FREM2: variants seen among roughly 807,000 people sequenced by gnomAD.
FREM2 encodes FRAS1 related extracellular matrix 2.
A neutral mutation model predicts 219.9 loss-of-function variants in FREM2; 119 were observed. The observed-to-expected ratio is 0.54, with a 90% CI of 0.47 to 0.63. The LOEUF (loss-of-function observed/expected upper bound fraction) is 0.63, where lower values mean the gene tolerates loss of function less well. FREM2 is among the 30% of genes least tolerant of loss of function. The pLI is 0.00. For missense variants in FREM2, 4,030 were observed against 3,993.6 expected (o/e 1.01, Z -0.25); for synonymous variants, 1,562 against 1,522.8 (o/e 1.03, Z -0.60).
intron 2 of FREM2, among the ~76,000 whole-genome samples, chr13:38,763,171 A>G (rs1283818360): frequency 6.6e-6 from 1 of 152,184 alleles, no homozygotes; most frequent in Non-Finnish European, 1.5e-5. Flanking sequence ...ACAACAGTAA[A>G]CAAGAAAACA....
intron 6 of FREM2, among the ~76,000 whole-genome samples, chr13:38,843,885 G>A (rs1452959515): frequency 6.7e-6 from 1 of 148,388 alleles, no homozygotes; most frequent in Non-Finnish European, 1.5e-5. Context: ...TAGGTAGTTA[G>A]CAGAGTTTTT....
intron 6 of FREM2, among the ~76,000 whole-genome samples, chr13:38,791,847 C>T (rs1190958058): frequency 2.6e-5 from 4 of 152,330 alleles, no homozygotes; most frequent in African/African-American, 9.6e-5. Context: ...CCTTGACTTT[C>T]AATGCCAGAA....
At chr13:38,759,484 AG>A (rs1873147264) in intron 2 of FREM2, among the ~76,000 whole-genome samples, 1 of 151,788 alleles carries the variant, frequency 6.6e-6, no homozygotes, top group South Asian at 2.1e-4. Flanking sequence ...TTTGAATTGA[AG>A]AAAATGAAGA....
Position 38,881,186 on chromosome 13 carries a change from T to C in FREM2, c.*399T>C, listed in dbSNP as rs1396301785. 1 of 287,058 alleles carries C rather than the reference T, an allele frequency of 3.5e-6. No individual in the cohort carries two copies. The highest frequency in any genetic ancestry group is 9.0e-5 in the East Asian group (1 of 11,154). 17.8% of individuals were successfully genotyped at this position (287,058 alleles called of 1,614,324 possible). ...GTTGAAGGTGCAATTATCACATTGTTTATTAATTGTATAACAGATTATTAC... is the reference window on the plus strand; with the variant it reads ...GTTGAAGGTGCAATTATCACATTGTCTATTAATTGTATAACAGATTATTAC... On this transcript the variant is annotated 3_prime_UTR_variant, in exon 24 of 24. Coordinates refer to ENST00000280481, the MANE Select transcript of FREM2 (RefSeq NM_207361.6).
In FREM2 at chr13:38,883,012, T is replaced by A. The variant is rs1878600442; in HGVS notation, c.*2225T>A. On this transcript the variant is annotated 3_prime_UTR_variant, in exon 24 of 24. Transcript: ENST00000280481. ...AAATTTCACTCTACAATGCATATTCTAATGAAGCTACTTTATATAAATTGG... is the reference window on the plus strand; with the variant it reads ...AAATTTCACTCTACAATGCATATTCAAATGAAGCTACTTTATATAAATTGG... 1 of 152,216 alleles carries A rather than the reference T, an allele frequency of 6.6e-6. No individual in the cohort carries two copies. Among genetic ancestry groups the A allele is most frequent in the African/African-American group, 2.4e-5 (1 of 41,478 alleles). 9.4% of individuals were successfully genotyped at this position (152,216 alleles called of 1,614,324 possible).
intron 6 of FREM2, among the ~76,000 whole-genome samples, chr13:38,841,495 A>C (rs1315877325): frequency 6.6e-6 from 1 of 152,044 alleles, no homozygotes; most frequent in East Asian, 1.9e-4. Flanking sequence ...GTATTTTTAA[A>C]TTGTCTAGGA....
intron 2 of FREM2, among the ~76,000 whole-genome samples, chr13:38,723,921 A>C (rs1028881120): frequency 5.9e-5 from 9 of 152,188 alleles, no homozygotes; most frequent in Non-Finnish European, 1.0e-4. Flanking sequence ...TAACTTGCTC[A>C]AGGTCATACA....
intron 7 of FREM2, among the ~76,000 whole-genome samples, chr13:38,848,025 C>T (rs1877227978): frequency 6.6e-6 from 1 of 152,142 alleles, no homozygotes; most frequent in Admixed American, 6.6e-5. Context: ...GTAGGATGTT[C>T]TACAGCAGCT....
intron 6 of FREM2, among the ~76,000 whole-genome samples, chr13:38,787,392 A>G (rs1165640958): frequency 6.6e-6 from 1 of 152,086 alleles, no homozygotes; most frequent in African/African-American, 2.4e-5. Context: ...TCAGATGCAG[A>G]TTATAATAAA....
At chr13:38,851,167 C>A (rs1468533033) in intron 10 of FREM2, 59 bp downstream of exon 10, 1 of 1,579,014 alleles carries the variant, frequency 6.3e-7, no homozygotes. Context: ...CCAGCCAAGT[C>A]AAGGTTTTAA....
chr13:38,786,480 A>G (rs1446120618), intron 6 of FREM2, among the ~76,000 whole-genome samples: 1 of 152,200 alleles, frequency 6.6e-6, no homozygotes, highest in Non-Finnish European at 1.5e-5. Context: ...ATTTAAATAA[A>G]GTACAGAAAT....
At chr13:38,717,075 T>A (rs2138102591) in intron 2 of FREM2, among the ~76,000 whole-genome samples, 1 of 152,298 alleles carries the variant, frequency 6.6e-6, no homozygotes, top group East Asian at 1.9e-4. Flanking sequence ...TGACATTGAG[T>A]GAGCTGTCAT....
chr13:38,870,572 T>A (rs1244010499), intron 16 of FREM2, among the ~76,000 whole-genome samples: 1 of 152,214 alleles, frequency 6.6e-6, no homozygotes, highest in Non-Finnish European at 1.5e-5. Context: ...CACTCTTCAC[T>A]TTTGAAGAAG....
At chr13:38,812,986 T>C (rs1484156948) in intron 6 of FREM2, among the ~76,000 whole-genome samples, 1 of 152,142 alleles carries the variant, frequency 6.6e-6, no homozygotes, top group African/African-American at 2.4e-5. Context: ...TTTTAGCTTT[T>C]TGCTGTTTCT....
At position 38,688,001 on chromosome 13, in the gene FREM2, C is replaced by T. The variant is rs767344725; in HGVS notation, c.657C>T (p.Gly219=). 4.3e-6 allele frequency: 7 copies of T among 1,612,246 alleles called. No homozygotes were observed. In the African/African-American group the frequency reaches 5.3e-5, roughly 12 times the overall value. The change falls in exon 1 of 24, where the codon GGC becomes GGT. Residue 219 remains glycine, a synonymous_variant. Coordinates refer to ENST00000280481, the MANE Select transcript of FREM2 (RefSeq NM_207361.6). ...CCGAGACAGAGGAGTGCCGCGTGGG[C>T]ATCCTGTCCGGCTTGGGCGCGCTGC... ...FQPETEECRV[G]ILSGLGALPR...
intron 3 of FREM2, 79 bp downstream of exon 3, chr13:38,764,529 CA>C (rs1192692613): frequency 5.9e-6 from 5 of 847,176 alleles, no homozygotes; most frequent in Non-Finnish European, 7.4e-6. Flanking sequence ...ATTAAAGTAT[CA>C]GTTTAGTTCA....
chr13:38,785,586 A>G (rs1874293806), intron 6 of FREM2, among the ~76,000 whole-genome samples: 1 of 152,226 alleles, frequency 6.6e-6, no homozygotes. Flanking sequence ...TCGGTTTGGA[A>G]AGAAGCTGGA....
chr13:38,688,223 G>A lies in FREM2; in HGVS notation c.879G>A (p.Val293=), dbSNP rs750941575. 1 of 1,613,506 alleles carries A rather than the reference G, an allele frequency of 6.2e-7. No homozygotes were observed. Among genetic ancestry groups the A allele is most frequent in the Non-Finnish European group, 8.5e-7 (1 of 1,179,772 alleles). Reference sequence around the variant, plus strand: ...AGCTGCGTTCACGAGGGGCTCCTGTGGGCAGCCCTGCTTTGAAACGCGAGC... The same window carrying A: ...AGCTGCGTTCACGAGGGGCTCCTGTAGGCAGCCCTGCTTTGAAACGCGAGC... ...VVELRSRGAP[V]GSPALKREHF... The change falls in exon 1 of 24, where the codon GTG becomes GTA. Residue 293 remains valine, a synonymous_variant. Transcript: ENST00000280481.
At position 38,880,529 on chromosome 13, in the gene FREM2, G is replaced by T; in HGVS notation, c.9252G>T (p.Lys3084Asn). Residue 3084 changes from lysine (K) to asparagine (N), a missense_variant, in exon 24 of 24, where the codon AAG becomes AAT. Physicochemically the swap from Lys to Asn is moderately conservative, Grantham distance 94. This residue lies in a region of FREM2 where 928 missense variants were observed against 1,042.9 expected (regional missense o/e 0.89). Transcript: ENST00000280481. ...AGCACATTGCCCTGGACCGCACCAA[G>T]AGGCAGATCCCCCATGGGAGAGCAC... ...NIQHIALDRT[K>N]RQIPHGRAPP... The T allele has an allele frequency of 6.2e-7, 1 of 1,614,152 alleles. No individual in the cohort carries two copies. Among genetic ancestry groups the T allele is most frequent in the African/African-American group, 1.3e-5 (1 of 75,038 alleles).
Sources: allele counts gnomAD v4.1 joint callset (sites outside exome capture counted in the v4.1 genomes callset), GRCh38; gene constraint gnomAD v4.1.1; regional missense constraint gnomAD v4.1.1; transcripts MANE v1.5; gene names NCBI Gene and HGNC (gene_info 2026-07-23, HGNC 2026-07-21).